The following NXPH1 variants were observed in gnomAD, a reference collection of about 807,000 sequenced individuals.
NXPH1 encodes the protein neurexophilin 1.
In NXPH1, 5 loss-of-function variants were observed where a neutral mutation model predicts 23.7. The ratio of observed to expected loss-of-function variants is 0.21; its 90% CI spans 0.11 to 0.44. NXPH1 has a LOEUF of 0.44. Among genes scored for constraint, NXPH1 ranks in the 20% least tolerant of loss-of-function variants. NXPH1 has a pLI of 0.99. For synonymous variants in NXPH1, 144 were observed against 122.2 expected (o/e 1.18, Z -1.18); for missense variants, 324 against 321.6 (o/e 1.01, Z -0.06).
At chr7:8,732,822 A>T (rs952038678) in intron 2 of NXPH1, among the ~76,000 whole-genome samples, 1 of 152,142 alleles carries the variant, frequency 6.6e-6, no homozygotes, top group African/African-American at 2.4e-5. Context: ...ACTATTTACT[A>T]TTGTAGACTT....
At chr7:8,438,071 C>T (rs1436123298) in intron 2 of NXPH1, among the ~76,000 whole-genome samples, 1 of 152,118 alleles carries the variant, frequency 6.6e-6, no homozygotes, top group African/African-American at 2.4e-5. Context: ...CAGCAGAATT[C>T]CGAGCTGTTT....
At chr7:8,603,405 A>G (rs769611657) in intron 2 of NXPH1, among the ~76,000 whole-genome samples, 1 of 151,918 alleles carries the variant, frequency 6.6e-6, no homozygotes, top group Non-Finnish European at 1.5e-5. Context: ...TATTGTTCTT[A>G]CTATTTTTGT....
At chr7:8,715,364 C>T (rs1202489245) in intron 2 of NXPH1, among the ~76,000 whole-genome samples, 1 of 152,168 alleles carries the variant, frequency 6.6e-6, no homozygotes, top group Non-Finnish European at 1.5e-5. Flanking sequence ...TTCAGTGCCT[C>T]TTTCAGTGAT....
intron 2 of NXPH1, among the ~76,000 whole-genome samples, chr7:8,460,346 TC>T (rs1256781747): frequency 1.3e-5 from 2 of 152,298 alleles, no homozygotes; most frequent in East Asian, 3.9e-4. Context: ...AGAGGGACTG[TC>T]TTTATATCTA....
chr7:8,715,821 G>T (rs1484286113), intron 2 of NXPH1, among the ~76,000 whole-genome samples: 3 of 152,064 alleles, frequency 2.0e-5, no homozygotes, highest in Non-Finnish European at 4.4e-5. Flanking sequence ...GAGATGAAGG[G>T]AGAGGTGTCC....
chr7:8,593,465 C>T (rs1208757177), intron 2 of NXPH1, among the ~76,000 whole-genome samples: 1 of 151,902 alleles, frequency 6.6e-6, no homozygotes, highest in Non-Finnish European at 1.5e-5. Context: ...TCTTGTAAAA[C>T]AAAAAAGTTG....
chr7:8,464,689 T>C (rs1186768938), intron 2 of NXPH1, among the ~76,000 whole-genome samples: 1 of 152,112 alleles, frequency 6.6e-6, no homozygotes, highest in Non-Finnish European at 1.5e-5. Flanking sequence ...ACAATAAAGG[T>C]GGAATGATGC....
chr7:8,529,318 C>A (rs1050473373), intron 2 of NXPH1, among the ~76,000 whole-genome samples: 3 of 152,208 alleles, frequency 2.0e-5, no homozygotes, highest in Non-Finnish European at 4.4e-5. Flanking sequence ...ATAGATATGG[C>A]ACCAGGGGGC....
intron 2 of NXPH1, among the ~76,000 whole-genome samples, chr7:8,738,967 T>C (rs191596307): frequency 5.9e-5 from 9 of 152,014 alleles, no homozygotes; most frequent in African/African-American, 2.2e-4. Flanking sequence ...ATTGTGGATG[T>C]TCCTCTCCCC....
chr7:8,624,184 G>A (rs1177911801), intron 2 of NXPH1, among the ~76,000 whole-genome samples: 2 of 152,118 alleles, frequency 1.3e-5, no homozygotes, highest in East Asian at 1.9e-4. Context: ...AGCCTCTTAG[G>A]TATGAGTTTT....
At chr7:8,512,656 G>A in intron 2 of NXPH1, among the ~76,000 whole-genome samples, 1 of 152,042 alleles carries the variant, frequency 6.6e-6, no homozygotes, top group East Asian at 1.9e-4. Context: ...TAACCAAGTA[G>A]CACAAAGTAA....
intron 2 of NXPH1, among the ~76,000 whole-genome samples, chr7:8,707,588 G>GTA (rs148472372): frequency 1.3e-3 from 199 of 151,012 alleles, no homozygotes; most frequent in African/African-American, 2.5e-3. Flanking sequence ...ATGGCAATGA[G>GTA]TATATATATA....
chr7:8,552,334 A>G lies in NXPH1; in HGVS notation c.54+116567A>G, dbSNP rs28670886. ...ATGGGATTTATACTCAGAGGTTTCT[A>G]TGTAGCACTTTGTTTGAATGAAAAT... On this transcript the variant is annotated intron_variant, in intron 2 of 2. Coordinates refer to ENST00000405863, the MANE Select transcript of NXPH1 (RefSeq NM_152745.3). Among the ~76,000 whole-genome samples the G allele has an allele frequency of 4.2e-3, 631 of 151,514 alleles. 2 individuals carry two copies. Among genetic ancestry groups the G allele is most frequent in the African/African-American group, 0.015 (614 of 41,468 alleles).
chr7:8,450,957 A>T (rs1295105030), intron 2 of NXPH1, among the ~76,000 whole-genome samples: 1 of 152,160 alleles, frequency 6.6e-6, no homozygotes, highest in South Asian at 2.1e-4. Context: ...TTAGCACTTC[A>T]TTGTAGATTT....
chr7:8,551,884 C>A (rs1818281415), intron 2 of NXPH1, among the ~76,000 whole-genome samples: 1 of 151,362 alleles, frequency 6.6e-6, no homozygotes, highest in African/African-American at 2.4e-5. Flanking sequence ...ACCTTGTTCA[C>A]CAAGTCAGCT....
At chr7:8,477,024 G>A (rs1816985665) in intron 2 of NXPH1, among the ~76,000 whole-genome samples, 5 of 152,110 alleles carry the variant, frequency 3.3e-5, no homozygotes, top group Admixed American at 2.0e-4. Context: ...ATATGTTCAC[G>A]TTTTTGTGAG....
chr7:8,676,292 A>G (rs1259722633), intron 2 of NXPH1, among the ~76,000 whole-genome samples: 2 of 152,166 alleles, frequency 1.3e-5, no homozygotes, highest in Non-Finnish European at 2.9e-5. Context: ...TTTTGTCCAA[A>G]TAGTCTATCA....
chr7:8,607,557 A>G (rs1284572820), intron 2 of NXPH1, among the ~76,000 whole-genome samples: 1 of 152,128 alleles, frequency 6.6e-6, no homozygotes, highest in Non-Finnish European at 1.5e-5. Context: ...TAAGAAGAGA[A>G]CTCAGGTTAA....
At chr7:8,695,204 T>A (rs1241804876) in intron 2 of NXPH1, among the ~76,000 whole-genome samples, 3 of 152,236 alleles carry the variant, frequency 2.0e-5, no homozygotes, top group Non-Finnish European at 2.9e-5. Context: ...TTAGCTCCAA[T>A]TTAAGGTCTT....
Sources: gnomAD v4.1 joint callset for allele counts (sites outside exome capture counted in the v4.1 genomes callset) on GRCh38, gnomAD v4.1.1 for gene constraint, MANE v1.5 for transcripts, NCBI Gene and HGNC (gene_info 2026-07-23, HGNC 2026-07-21) for gene names.